MAGI2: variants seen among roughly 807,000 people sequenced by gnomAD.
MAGI2 encodes the protein membrane-associated guanylate kinase, WW and PDZ domain-containing protein 2.
In MAGI2, 35 loss-of-function variants were observed where a neutral mutation model predicts 133.3. The ratio of observed to expected loss-of-function variants is 0.26; its 90% CI spans 0.20 to 0.35. The LOEUF (loss-of-function observed/expected upper bound fraction) is 0.35. MAGI2 is among the 10% of genes least tolerant of loss of function. MAGI2 has a pLI of 1.00. For synonymous variants in MAGI2, 729 were observed against 710.6 expected (o/e 1.03, Z -0.41); for missense variants, 1,636 against 1,863.4 (o/e 0.88, Z 2.25).
chr7:79,058,364 A>C (rs17151900), intron 1 of MAGI2, among the ~76,000 whole-genome samples: 102 of 152,262 alleles, frequency 6.7e-4, no homozygotes, highest in African/African-American at 2.2e-3. Flanking sequence ...TGAGGAACAT[A>C]GGATTCTAGA....
At chr7:78,718,885 G>C (rs1244550135) in intron 2 of MAGI2, among the ~76,000 whole-genome samples, 1 of 152,162 alleles carries the variant, frequency 6.6e-6, no homozygotes, top group Non-Finnish European at 1.5e-5. Context: ...ACGGTTGCCA[G>C]TGACACTGTA....
intron 9 of MAGI2, among the ~76,000 whole-genome samples, chr7:78,322,338 T>C (rs543510023): frequency 6.6e-6 from 1 of 152,282 alleles, no homozygotes; most frequent in Admixed American, 6.5e-5. Context: ...CTATTTACAA[T>C]AGCAAAGACT....
At chr7:78,776,001 C>G (rs1390550460) in intron 2 of MAGI2, among the ~76,000 whole-genome samples, 2 of 152,194 alleles carry the variant, frequency 1.3e-5, no homozygotes, top group East Asian at 1.9e-4. Flanking sequence ...GGGTTTAAAG[C>G]CTTTCTCTGT....
At chr7:78,933,930 T>C (rs1713254015) in intron 2 of MAGI2, among the ~76,000 whole-genome samples, 1 of 152,076 alleles carries the variant, frequency 6.6e-6, no homozygotes, top group Non-Finnish European at 1.5e-5. Context: ...CTGCTTCTGG[T>C]GTTTCTTCAC....
intron 2 of MAGI2, among the ~76,000 whole-genome samples, chr7:78,913,223 T>C (rs1798547876): frequency 6.6e-6 from 1 of 152,064 alleles, no homozygotes; most frequent in South Asian, 2.1e-4. Context: ...ATGTTGGAGG[T>C]GGGGCCTGAT....
intron 1 of MAGI2, among the ~76,000 whole-genome samples, chr7:79,439,368 G>A (rs990856173): frequency 6.6e-6 from 1 of 152,102 alleles, no homozygotes; most frequent in African/African-American, 2.4e-5. Flanking sequence ...CTGAGGCTCA[G>A]AAAATGTTAG....
intron 1 of MAGI2, among the ~76,000 whole-genome samples, chr7:79,040,197 C>T (rs1284695776): frequency 6.6e-6 from 1 of 151,466 alleles, no homozygotes; most frequent in East Asian, 2.0e-4. Context: ...CATAAGGGGC[C>T]CTTCCTCCTT....
chr7:78,492,165 C>T (rs576304042), intron 5 of MAGI2, among the ~76,000 whole-genome samples: 1 of 152,104 alleles, frequency 6.6e-6, no homozygotes, highest in South Asian at 2.1e-4. Context: ...CCATGGGTCT[C>T]AAATACTGGC....
At chr7:79,198,422 A>C (rs1289776177) in intron 1 of MAGI2, among the ~76,000 whole-genome samples, 8 of 151,896 alleles carry the variant, frequency 5.3e-5, no homozygotes, top group Non-Finnish European at 1.5e-5. Flanking sequence ...TGAAAAAAAA[A>C]ATGCCCTTCA....
intron 6 of MAGI2, among the ~76,000 whole-genome samples, chr7:78,410,976 A>G (rs1797820645): frequency 6.6e-6 from 1 of 152,054 alleles, no homozygotes; most frequent in African/African-American, 2.4e-5. Flanking sequence ...GGTCAGTAAC[A>G]TGCCATCAAC....
chr7:79,192,125 C>T (rs949371757), intron 1 of MAGI2, among the ~76,000 whole-genome samples: 5 of 151,902 alleles, frequency 3.3e-5, no homozygotes, highest in Non-Finnish European at 5.9e-5. Context: ...GTAACCCCTA[C>T]ACATATCCAG....
intron 1 of MAGI2, among the ~76,000 whole-genome samples, chr7:79,131,783 A>G (rs765844237): frequency 1.9e-4 from 29 of 152,128 alleles, no homozygotes; most frequent in Non-Finnish European, 3.2e-4. Flanking sequence ...TTTAAATTGG[A>G]TATGTAACTG....
In MAGI2 at chr7:79,115,860, T is replaced by G. The variant is rs1480444166; in HGVS notation, c.302-108654A>C. On this transcript the variant is annotated intron_variant, in intron 1 of 21. Transcript: ENST00000354212. ...TTATTCTAAATGTTTTAAAGTTTTTTTTTTTTTTTTTTTTTTTTTTTTAAA... is the reference window on the plus strand; with the variant it reads ...TTATTCTAAATGTTTTAAAGTTTTTGTTTTTTTTTTTTTTTTTTTTTTAAA... Among the ~76,000 whole-genome samples, 102 of 146,110 alleles carry G rather than the reference T, an allele frequency of 7.0e-4. 2 individuals are homozygous for G. The highest frequency in any genetic ancestry group is 8.7e-4 in the Non-Finnish European group (58 of 66,870).
intron 6 of MAGI2, among the ~76,000 whole-genome samples, chr7:78,391,239 G>A (rs369658507): frequency 6.2e-4 from 95 of 152,212 alleles, no homozygotes; most frequent in African/African-American, 2.2e-3. Flanking sequence ...GTGAATATAT[G>A]CTTTGGTTAT....
intron 1 of MAGI2, among the ~76,000 whole-genome samples, chr7:79,101,487 G>C (rs1286467263): frequency 1.3e-5 from 2 of 152,106 alleles, no homozygotes; most frequent in Admixed American, 6.6e-5. Flanking sequence ...CACTTTGGGA[G>C]GCCGAGGTGG....
At position 78,628,945 on chromosome 7, in the gene MAGI2, T is replaced by C. The variant is rs79801800; in HGVS notation, c.419-1706A>G. 8.9e-4 allele frequency among the ~76,000 whole-genome samples: 136 copies of C among 151,982 alleles called. 2 individuals are homozygous for C. In the East Asian group the frequency reaches 0.025, roughly 28 times the overall value. On this transcript the variant is annotated intron_variant, in intron 2 of 21. Coordinates refer to ENST00000354212, the MANE Select transcript of MAGI2 (RefSeq NM_012301.4). ...TCCAATCATTAAGAAAAAAATCACATAACAAAGACTCAATTTTCCTTACTA... is the reference window on the plus strand; with the variant it reads ...TCCAATCATTAAGAAAAAAATCACACAACAAAGACTCAATTTTCCTTACTA...
intron 3 of MAGI2, among the ~76,000 whole-genome samples, chr7:78,565,287 C>A (rs894938698): frequency 1.3e-5 from 2 of 151,696 alleles, no homozygotes; most frequent in African/African-American, 4.8e-5. Flanking sequence ...AATAGCGAGA[C>A]CCTGTGTCAA....
intron 1 of MAGI2, among the ~76,000 whole-genome samples, chr7:79,083,341 T>C (rs1816218113): frequency 6.6e-6 from 1 of 150,906 alleles, no homozygotes; most frequent in South Asian, 2.1e-4. Flanking sequence ...TTTATTAGGT[T>C]GAGGGTATTC....
At chr7:78,683,730 T>C (rs1815950936) in intron 2 of MAGI2, among the ~76,000 whole-genome samples, 1 of 152,182 alleles carries the variant, frequency 6.6e-6, no homozygotes, top group African/African-American at 2.4e-5. Flanking sequence ...CCATATCCTG[T>C]CCCTAATCAT....
Sources: allele counts gnomAD v4.1 joint callset (sites outside exome capture counted in the v4.1 genomes callset), GRCh38; gene constraint gnomAD v4.1.1; transcripts MANE v1.5; gene names NCBI Gene and HGNC (gene_info 2026-07-23, HGNC 2026-07-21).